ELP4: variants seen among roughly 807,000 people sequenced by gnomAD.
ELP4 encodes elongator acetyltransferase complex subunit 4.
In ELP4, 51 loss-of-function variants were observed where a neutral mutation model predicts 48.9. That is an observed-to-expected ratio of 1.04 (90% confidence interval 0.83 to 1.32). ELP4 has a LOEUF of 1.32. Among genes scored for constraint, ELP4 ranks in the 40% most tolerant of loss-of-function variants. The probability of loss-of-function intolerance (pLI) is 0.00; values close to 1 mark genes in which losing one functional copy is unlikely to be tolerated. For missense variants in ELP4, 519 were observed against 514.6 expected, an observed-to-expected ratio of 1.01 and a Z score of -0.08; for synonymous variants, 210 against 189.2, an observed-to-expected ratio of 1.11 and a Z score of -0.90.
intron 1 of ELP4, among the ~76,000 whole-genome samples, chr11:31,515,043 A>G (rs530190978): frequency 8.7e-5 from 13 of 148,968 alleles, no homozygotes; most frequent in East Asian, 5.8e-4. Flanking sequence ...GTATATATAT[A>G]TATATATATA....
At chr11:31,725,235 G>C (rs1411116942) in intron 9 of ELP4, among the ~76,000 whole-genome samples, 5 of 152,130 alleles carry the variant, frequency 3.3e-5, no homozygotes, top group Admixed American at 1.3e-4. Flanking sequence ...CTGATGTCAG[G>C]GTACAGCAAT....
intron 3 of ELP4, among the ~76,000 whole-genome samples, chr11:31,579,195 C>T (rs1255828952): frequency 1.3e-5 from 2 of 152,220 alleles, no homozygotes; most frequent in African/African-American, 4.8e-5. Context: ...TGCTCGTCAT[C>T]ACTGGCCATC....
chr11:31,778,818 T>C (rs186653394), intron 9 of ELP4, among the ~76,000 whole-genome samples: 20 of 152,340 alleles, frequency 1.3e-4, no homozygotes, highest in Non-Finnish European at 2.2e-4. Flanking sequence ...CTGTGTGTTC[T>C]AAGGTATTTA....
intron 7 of ELP4, among the ~76,000 whole-genome samples, chr11:31,644,964 T>C (rs1392991502): frequency 6.6e-6 from 1 of 151,830 alleles, no homozygotes; most frequent in Non-Finnish European, 1.5e-5. Context: ...TATAAATGTT[T>C]TTCAGATATC....
intron 2 of ELP4, among the ~76,000 whole-genome samples, chr11:31,537,246 G>A (rs887186131): frequency 1.3e-5 from 2 of 152,056 alleles, no homozygotes; most frequent in African/African-American, 4.8e-5. Flanking sequence ...TTTAAATATG[G>A]ATATTCAGTT....
At chr11:31,698,268 T>G (rs943169911) in intron 9 of ELP4, among the ~76,000 whole-genome samples, 3 of 152,182 alleles carry the variant, frequency 2.0e-5, no homozygotes, top group African/African-American at 4.8e-5. Flanking sequence ...TTTCTGTAAG[T>G]TATTTATTGA....
chr11:31,752,609 C>T (rs1210350955), intron 9 of ELP4, among the ~76,000 whole-genome samples: 6 of 151,890 alleles, frequency 4.0e-5, no homozygotes, highest in African/African-American at 4.8e-5. Flanking sequence ...CCGAGGCGGA[C>T]GGATCACGAG....
At chr11:31,514,513 T>A (rs1956070853) in intron 1 of ELP4, among the ~76,000 whole-genome samples, 1 of 152,170 alleles carries the variant, frequency 6.6e-6, no homozygotes, top group African/African-American at 2.4e-5. Flanking sequence ...GTAATTTTTC[T>A]AAGTTAGGAT....
At chr11:31,721,937 C>A (rs917074477) in intron 9 of ELP4, among the ~76,000 whole-genome samples, 1 of 152,020 alleles carries the variant, frequency 6.6e-6, no homozygotes. Context: ...ACTCCCTGAC[C>A]GATGTTGTGG....
chr11:31,615,167 G>A lies in ELP4; in HGVS notation c.653+11260G>A, dbSNP rs914319874. Among the ~76,000 whole-genome samples the A allele has an allele frequency of 1.1e-4, 16 of 152,082 alleles. No homozygotes were observed. The East Asian group carries it at 2.1e-3, about 20-fold the overall frequency. On this transcript the variant is annotated intron_variant, in intron 5 of 9. Coordinates refer to ENST00000640961, the MANE Select transcript of ELP4 (RefSeq NM_019040.5). Reference sequence around the variant, plus strand: ...TGGAATGGGAAAAAAAAGATTTTTTGTTCTATATTTGCAACTTTTATGTAA... The same window carrying A: ...TGGAATGGGAAAAAAAAGATTTTTTATTCTATATTTGCAACTTTTATGTAA...
chr11:31,682,487 G>A (rs1279700843), intron 9 of ELP4, among the ~76,000 whole-genome samples: 1 of 152,196 alleles, frequency 6.6e-6, no homozygotes, highest in Non-Finnish European at 1.5e-5. Flanking sequence ...AGCCTAGCCT[G>A]ACAGTTGCAT....
chr11:31,692,682 A>G (rs1043813765), intron 9 of ELP4, among the ~76,000 whole-genome samples: 5 of 152,118 alleles, frequency 3.3e-5, no homozygotes, highest in African/African-American at 1.2e-4. Context: ...CCTGTGCTCT[A>G]CTTAATTCCA....
In ELP4 at chr11:31,788,244, T is replaced by A. The variant is rs1240007631; in HGVS notation, c.*4720T>A. On this transcript the variant is annotated 3_prime_UTR_variant, in exon 10 of 10. Transcript: ENST00000640961. Reference sequence around the variant, plus strand: ...CTTCATAGATTTGGGAATGTTTGGCTTAAGCTGCCAATGACTGAAGGCCTT... The same window carrying A: ...CTTCATAGATTTGGGAATGTTTGGCATAAGCTGCCAATGACTGAAGGCCTT... 4.4e-6 allele frequency: 1 copy of A among 226,838 alleles called. No homozygotes were observed. The highest frequency in any genetic ancestry group is 8.8e-6 in the Non-Finnish European group (1 of 114,088). The allele number at this position is 226,838 out of a possible 1,614,324, so 14.1% of individuals were successfully genotyped here.
intron 9 of ELP4, among the ~76,000 whole-genome samples, chr11:31,741,789 A>G (rs1382720041): frequency 6.6e-6 from 1 of 152,208 alleles, no homozygotes; most frequent in African/African-American, 2.4e-5. Context: ...AACCACAAAG[A>G]TGGGAATAAA....
At chr11:31,533,678 G>A (rs552725441) in intron 2 of ELP4, among the ~76,000 whole-genome samples, 1 of 151,624 alleles carries the variant, frequency 6.6e-6, no homozygotes, top group Non-Finnish European at 1.5e-5. Context: ...ATGAGCCACC[G>A]CGCCCGGCCT....
At chr11:31,559,924 C>T (rs941216529) in intron 3 of ELP4, among the ~76,000 whole-genome samples, 2 of 135,910 alleles carry the variant, frequency 1.5e-5, no homozygotes, top group Non-Finnish European at 3.2e-5. Flanking sequence ...AAAAAAAAGG[C>T]AAATCAGTTT....
intron 2 of ELP4, among the ~76,000 whole-genome samples, chr11:31,538,636 A>G (rs1319932943): frequency 6.6e-6 from 1 of 151,396 alleles, no homozygotes; most frequent in Non-Finnish European, 1.5e-5. Flanking sequence ...AAGATGTAAT[A>G]TTACTGGATT....
intron 9 of ELP4, among the ~76,000 whole-genome samples, chr11:31,692,300 TG>T (rs1255080643): frequency 1.3e-5 from 2 of 152,166 alleles, no homozygotes; most frequent in African/African-American, 4.8e-5. Flanking sequence ...TTCGTCTTAA[TG>T]GGTAGGAAAT....
intron 1 of ELP4, chr11:31,510,627 AT>A (rs1213407394): frequency 2.7e-6 from 1 of 368,732 alleles, no homozygotes; most frequent in African/African-American, 2.1e-5. Flanking sequence ...TATATTTTTT[AT>A]TTTTTCTATA....
Sources: gnomAD v4.1 joint callset for allele counts (sites outside exome capture counted in the v4.1 genomes callset) on GRCh38, gnomAD v4.1.1 for gene constraint, MANE v1.5 for transcripts, NCBI Gene and HGNC (gene_info 2026-07-23, HGNC 2026-07-21) for gene names.